TPGS1: variants seen among roughly 807,000 people sequenced by gnomAD.
TPGS1 encodes the protein tubulin polyglutamylase complex subunit 1.
In TPGS1, 18 loss-of-function variants were observed where a neutral mutation model predicts 11.9. The ratio of observed to expected loss-of-function variants is 1.51; its 90% CI spans 1.04 to 2.24. The LOEUF is 2.24. Ranked by LOEUF, TPGS1 falls within the 30% of genes most tolerant of loss-of-function variation. TPGS1 has a pLI of 0.00. For missense variants in TPGS1, 500 were observed against 443.0 expected (o/e 1.13, Z -1.16); for synonymous variants, 247 against 218.2 (o/e 1.13, Z -1.16).
chr19:509,779 G>C (rs1356628896), intron 1 of TPGS1: 4 of 152,416 alleles, frequency 2.6e-5, no homozygotes, highest in Non-Finnish European at 5.9e-5. Flanking sequence ...ATGGGCGTGA[G>C]TTTGGTGGGC....
intron 1 of TPGS1, among the ~76,000 whole-genome samples, chr19:512,586 G>T (rs544667176): frequency 6.6e-6 from 1 of 152,216 alleles, no homozygotes; most frequent in Non-Finnish European, 1.5e-5. Flanking sequence ...ACGCCCCCTC[G>T]CACGTTTCAG....
chr19:518,689 G>A (rs1979045646), intron 1 of TPGS1, among the ~76,000 whole-genome samples, 200 bp from the exon 2 acceptor site: 1 of 146,356 alleles, frequency 6.8e-6, no homozygotes, highest in East Asian at 2.1e-4. Flanking sequence ...CTGGGAGAAG[G>A]GAGGCGGGGG....
chr19:518,887 A>C lies in TPGS1; in HGVS notation c.339-2A>C. The C allele has an allele frequency of 6.6e-7, 1 of 1,515,910 alleles. No homozygotes were observed. The highest frequency in any genetic ancestry group is 1.3e-5 in the South Asian group (1 of 79,274). The allele number at this position is 1,515,910 out of a possible 1,614,324, so 93.9% of individuals were successfully genotyped here. ...CGGCCCCCAACGTCCCCGTCTCCGC[A>C]GGGCCGCCTTCAACAACAACGTGAG... On this transcript the variant is annotated splice_acceptor_variant, in intron 1 of 1. Transcript: ENST00000359315. LOFTEE classifies it high-confidence loss of function.
intron 1 of TPGS1, among the ~76,000 whole-genome samples, chr19:511,120 C>T (rs541307020): frequency 2.0e-5 from 3 of 152,368 alleles, no homozygotes; most frequent in Non-Finnish European, 4.4e-5. Flanking sequence ...AGACGGAGCC[C>T]TGGCTGGGCT....
At chr19:511,337 C>T (rs551607167) in intron 1 of TPGS1, among the ~76,000 whole-genome samples, 18 of 152,392 alleles carry the variant, frequency 1.2e-4, no homozygotes, top group Middle Eastern at 3.4e-3. Flanking sequence ...GGGCTGTCAC[C>T]TTCCTGTCTC....
rs998904033 is a variant in TPGS1, at chr19:519,577, C to T, written c.*154C>T. The T allele has an allele frequency of 4.2e-5, 27 of 649,918 alleles. No individual in the cohort carries two copies. The Admixed American group carries it at 7.8e-4, about 19-fold the overall frequency. The allele number at this position is 649,918 out of a possible 1,614,324, so 40.3% of individuals were successfully genotyped here. The stretch of plus-strand genomic sequence containing the variant: ...GCTCCCAGGAAGCGGACGCCCGGTC[C>T]CCACACAGCGCCGCGGCCGCCCCTC... On this transcript the variant is annotated 3_prime_UTR_variant, in exon 2 of 2. Transcript: ENST00000359315.
rs551689170 is a variant in TPGS1 at position 512,253 on chromosome 19, G to T, written c.338+4409G>T. On this transcript the variant is annotated intron_variant, in intron 1 of 1. Coordinates refer to ENST00000359315, the MANE Select transcript of TPGS1 (RefSeq NM_033513.3). ...ATCCCAGCTCACTGCAGCCTCGACCGCCTGGGCTCAAGGGATCCTCCCACC... is the reference window on the plus strand; with the variant it reads ...ATCCCAGCTCACTGCAGCCTCGACCTCCTGGGCTCAAGGGATCCTCCCACC... Among the ~76,000 whole-genome samples, 15 of 152,156 alleles carry T rather than the reference G, an allele frequency of 9.9e-5. No homozygotes were observed. In the East Asian group the frequency reaches 2.5e-3, roughly 26 times the overall value.
intron 1 of TPGS1, among the ~76,000 whole-genome samples, chr19:517,254 G>A (rs1353603146): frequency 6.7e-6 from 1 of 148,190 alleles, no homozygotes; most frequent in Non-Finnish European, 1.5e-5. Context: ...GGAGACCAGG[G>A]AGGAGGTGAG....
intron 1 of TPGS1, among the ~76,000 whole-genome samples, chr19:517,949 G>A (rs1451682923): frequency 4.0e-5 from 5 of 123,684 alleles, no homozygotes; most frequent in African/African-American, 1.7e-4. Context: ...CAGGTTGGGA[G>A]GAGGCCCAGG....
chr19:512,543 G>T (rs536954158), intron 1 of TPGS1, among the ~76,000 whole-genome samples: 1 of 149,448 alleles, frequency 6.7e-6, no homozygotes, highest in Non-Finnish European at 1.5e-5. Flanking sequence ...GAAGTAGCAC[G>T]ATGGCTCTTA....
intron 1 of TPGS1, among the ~76,000 whole-genome samples, chr19:515,389 A>G (rs1240440428): frequency 6.8e-5 from 10 of 146,090 alleles, no homozygotes; most frequent in Non-Finnish European, 1.5e-4. Flanking sequence ...CAACACAGTG[A>G]GACCCTGTCT....
Position 519,052 on chromosome 19 carries a change from G to A in TPGS1, c.502G>A (p.Val168Met), listed in dbSNP as rs1282556434. 2 of 1,543,226 alleles carry A rather than the reference G, an allele frequency of 1.3e-6. No individual in the cohort carries two copies. Among genetic ancestry groups the A allele is most frequent in the South Asian group, 1.2e-5 (1 of 84,446 alleles). Residue 168 changes from valine (V) to methionine (M), a missense_variant, in exon 2 of 2, where the codon GTG becomes ATG. Val to Met is a conservative substitution (Grantham distance 21, BLOSUM62 1). Transcript: ENST00000359315. ...EEVVAPLLRK[V>M]QCRDHEAVPL... Reference sequence around the variant, plus strand: ...GGTGGTGGCGCCGCTGCTGCGCAAGGTGCAGTGCCGTGACCACGAGGCGGT... The same window carrying A: ...GGTGGTGGCGCCGCTGCTGCGCAAGATGCAGTGCCGTGACCACGAGGCGGT...
chr19:519,557 C>A lies in TPGS1; in HGVS notation c.*134C>A. On this transcript the variant is annotated 3_prime_UTR_variant, in exon 2 of 2. Coordinates refer to ENST00000359315, the MANE Select transcript of TPGS1 (RefSeq NM_033513.3). ...GCCCTGCGGAGGAGGCCGGGGCTCC[C>A]AGGAAGCGGACGCCCGGTCCCCACA... 1.1e-6 allele frequency: 1 copy of A among 880,168 alleles called. No individual in the cohort carries two copies. The highest frequency in any genetic ancestry group is 1.5e-6 in the Non-Finnish European group (1 of 687,444). The allele number at this position is 880,168 out of a possible 1,614,324, so 54.5% of individuals were successfully genotyped here.
intron 1 of TPGS1, among the ~76,000 whole-genome samples, chr19:515,240 G>C (rs1421880247): frequency 6.6e-6 from 1 of 152,164 alleles, no homozygotes; most frequent in African/African-American, 2.4e-5. Flanking sequence ...TGTGGGGAGA[G>C]AAATACCACC....
chr19:512,672 G>C (rs1367755459), intron 1 of TPGS1, among the ~76,000 whole-genome samples: 1 of 152,236 alleles, frequency 6.6e-6, no homozygotes, highest in East Asian at 1.9e-4. Context: ...GGAGGGATCC[G>C]CGGAGCAGCG....
intron 1 of TPGS1, among the ~76,000 whole-genome samples, chr19:511,867 G>C (rs1303560574): frequency 1.4e-5 from 2 of 140,750 alleles, no homozygotes; most frequent in Non-Finnish European, 3.1e-5. Flanking sequence ...GGGACGTCCA[G>C]TTGTTTTTTT....
At chr19:511,166 C>T (rs543152741) in intron 1 of TPGS1, among the ~76,000 whole-genome samples, 2 of 152,372 alleles carry the variant, frequency 1.3e-5, no homozygotes, top group East Asian at 3.9e-4. Flanking sequence ...AAACCAAGGC[C>T]CAGAGGCCAC....
At chr19:515,627 G>T (rs937281276) in intron 1 of TPGS1, among the ~76,000 whole-genome samples, 3 of 151,896 alleles carry the variant, frequency 2.0e-5, no homozygotes, top group African/African-American at 4.8e-5. Context: ...AATCCCAGCA[G>T]CTCAGGAGGC....
At chr19:509,122 CTG>C (rs1256534109) in intron 1 of TPGS1, 3 of 152,268 alleles carry the variant, frequency 2.0e-5, no homozygotes, top group Non-Finnish European at 4.4e-5. Context: ...GGACAGAAGA[CTG>C]AACTGGAGGG....
Sources: gnomAD v4.1 joint callset for allele counts (sites outside exome capture counted in the v4.1 genomes callset) on GRCh38, gnomAD v4.1.1 for gene constraint, MANE v1.5 for transcripts, NCBI Gene and HGNC (gene_info 2026-07-23, HGNC 2026-07-21) for gene names.